The following HIPK1 variants were observed in gnomAD, a reference collection of about 807,000 sequenced individuals.
HIPK1 encodes the protein homeodomain interacting protein kinase 1.
In HIPK1, 28 loss-of-function variants were observed where a neutral mutation model predicts 117.1. The observed-to-expected ratio is 0.24, with a 90% CI of 0.18 to 0.33. The LOEUF is 0.33. Ranked by LOEUF, HIPK1 falls within the 10% of genes least tolerant of loss-of-function variation. HIPK1 has a pLI of 1.00. For missense variants in HIPK1, 1,122 were observed against 1,475.1 expected (o/e 0.76, Z 3.92); for synonymous variants, 605 against 562.5 (o/e 1.08, Z -1.07).
chr1:113,956,894 C>G lies in HIPK1; in HGVS notation c.1592+83C>G, dbSNP rs775318893. Reference sequence around the variant, plus strand: ...TATCAATGGCACTATCAAATGAGCCCGCCACTTTGGTGCTTATAAATCTGG... The same window carrying G: ...TATCAATGGCACTATCAAATGAGCCGGCCACTTTGGTGCTTATAAATCTGG... On this transcript the variant is annotated intron_variant, in intron 6 of 15. Coordinates refer to ENST00000426820, the MANE Select transcript of HIPK1 (RefSeq NM_198268.3). The G allele has an allele frequency of 6.3e-6, 8 of 1,279,172 alleles. No individual in the cohort carries two copies. In the Admixed American group the frequency reaches 1.6e-4, roughly 25 times the overall value. 79.2% of individuals were successfully genotyped at this position (1,279,172 alleles called of 1,614,324 possible). A position where few individuals can be genotyped will look rare whatever the true frequency, so the allele number is the denominator to read the frequency against.
At chr1:113,955,761 T>C (rs1671675802) in intron 5 of HIPK1, 112 bp downstream of exon 5, 5 of 600,198 alleles carry the variant, frequency 8.3e-6, no homozygotes, top group Non-Finnish European at 1.5e-5. Flanking sequence ...GTTTTCAGTT[T>C]TTATAAAAAA....
intron 2 of HIPK1, among the ~76,000 whole-genome samples, chr1:113,945,776 G>T (rs762182288): frequency 3.3e-5 from 5 of 152,176 alleles, no homozygotes; most frequent in Non-Finnish European, 5.9e-5. Flanking sequence ...TTGAAATCAG[G>T]AAGTGTGAGA....
intron 1 of HIPK1, among the ~76,000 whole-genome samples, chr1:113,939,641 G>A (rs1268244291): frequency 6.6e-6 from 1 of 151,966 alleles, no homozygotes; most frequent in East Asian, 1.9e-4. Flanking sequence ...TAATTTTGAG[G>A]AGTAATTATT....
At position 113,973,458 on chromosome 1, in the gene HIPK1, T is replaced by G; in HGVS notation, c.3579T>G (p.Ile1193Met). Residue 1193 changes from isoleucine (I) to methionine (M), a missense_variant, in exon 16 of 16, where the codon ATT (isoleucine) becomes ATG (methionine). Physicochemically the swap from Ile to Met is conservative, Grantham distance 10. Transcript: ENST00000426820. ...SYIGSSRGST[I>M]YTGYPLSPTK... is the part of the protein sequence containing the mutation. Reference sequence around the variant, plus strand: ...TTGGGTCTTCCCGAGGCTCAACAATTTACACTGGATACCCGCTGAGTCCTA... The same window carrying G: ...TTGGGTCTTCCCGAGGCTCAACAATGTACACTGGATACCCGCTGAGTCCTA... 6.2e-7 allele frequency: 1 copy of G among 1,613,142 alleles called. No individual in the cohort carries two copies. Among genetic ancestry groups the G allele is most frequent in the Non-Finnish European group, 8.5e-7 (1 of 1,179,388 alleles).
At chr1:113,969,388 C>T (rs1435730953) in intron 13 of HIPK1, among the ~76,000 whole-genome samples, 1 of 152,162 alleles carries the variant, frequency 6.6e-6, no homozygotes, top group Non-Finnish European at 1.5e-5. Context: ...GCAAGTTCCT[C>T]ATCTCCCTAT....
In HIPK1 at chr1:113,955,548, ATCTT is replaced by A; in HGVS notation, c.1321-13_1321-10del. ...ATACAGATGGAATTTAAGGAGGAAAATCTTTATTTTATAGACACCTGAAGAACAT... is the reference window on the plus strand; with the variant it reads ...ATACAGATGGAATTTAAGGAGGAAAATATTTTATAGACACCTGAAGAACAT... On this transcript the variant is annotated splice_polypyrimidine_tract_variant and intron_variant, in intron 4 of 15. Coordinates refer to ENST00000426820, the MANE Select transcript of HIPK1 (RefSeq NM_198268.3). 1.4e-6 allele frequency: 2 copies of A among 1,436,474 alleles called. No homozygotes were observed. The highest frequency in any genetic ancestry group is 1.9e-6 in the Non-Finnish European group (2 of 1,033,730). The allele number at this position is 1,436,474 out of a possible 1,614,324, so 89.0% of individuals were successfully genotyped here. A position where few individuals can be genotyped will look rare whatever the true frequency, so the allele number is the denominator to read the frequency against.
At chr1:113,930,845 A>G (rs1325612150) in intron 1 of HIPK1, 2 of 152,166 alleles carry the variant, frequency 1.3e-5, no homozygotes, top group East Asian at 1.9e-4. Context: ...AGGGGGGGAA[A>G]ACCCCCAAGC....
intron 13 of HIPK1, among the ~76,000 whole-genome samples, chr1:113,969,288 C>G (rs568719398): frequency 6.6e-6 from 1 of 152,152 alleles, no homozygotes; most frequent in East Asian, 1.9e-4. Flanking sequence ...AGGCAACATA[C>G]AGGAGGTGTT....
At chr1:113,959,953 C>G (rs1341936720) in intron 8 of HIPK1, among the ~76,000 whole-genome samples, 1 of 152,114 alleles carries the variant, frequency 6.6e-6, no homozygotes, top group Admixed American at 6.5e-5. Context: ...GAGCATGGTT[C>G]CTTCATATGC....
intron 1 of HIPK1, chr1:113,933,017 C>A (rs1461667933): frequency 4.0e-5 from 7 of 175,998 alleles, no homozygotes; most frequent in Non-Finnish European, 2.2e-5. Flanking sequence ...GGAAACTCCT[C>A]AAGGTATAGT....
chr1:113,930,816 G>A (rs1669834015), intron 1 of HIPK1: 1 of 152,206 alleles, frequency 6.6e-6, no homozygotes, highest in Non-Finnish European at 1.5e-5. Context: ...TTCAGGATGG[G>A]AGGATGCGGG....
chr1:113,949,753 C>G (rs559869597), intron 2 of HIPK1, among the ~76,000 whole-genome samples: 76 of 152,172 alleles, frequency 5.0e-4, no homozygotes, highest in African/African-American at 1.7e-3. Flanking sequence ...TGCCCGCCAC[C>G]ACACCTGGCT....
chr1:113,966,122 C>A lies in HIPK1; in HGVS notation c.2239-8C>A, dbSNP rs756092659. 6 of 1,610,960 alleles carry A rather than the reference C, an allele frequency of 3.7e-6. No homozygotes were observed. Among genetic ancestry groups the A allele is most frequent in the Non-Finnish European group, 5.1e-6 (6 of 1,178,830 alleles). On this transcript the variant is annotated splice_region_variant and splice_polypyrimidine_tract_variant and intron_variant, in intron 10 of 15. Coordinates refer to ENST00000426820, the MANE Select transcript of HIPK1 (RefSeq NM_198268.3). ...GTCTGGATGTTTTTTATGTGTGTTTCCTTACAGCAGGCGTGGCCTGGAGGG... is the reference window on the plus strand; with the variant it reads ...GTCTGGATGTTTTTTATGTGTGTTTACTTACAGCAGGCGTGGCCTGGAGGG...
In HIPK1 at chr1:113,968,080, A is replaced by G. The variant is rs550852448; in HGVS notation, c.2564+132A>G. The G allele has an allele frequency of 1.1e-5, 8 of 753,636 alleles. 1 individual carries two copies. The South Asian group carries it at 1.5e-4, about 14-fold the overall frequency. 46.7% of individuals were successfully genotyped at this position (753,636 alleles called of 1,614,324 possible). A position where few individuals can be genotyped will look rare whatever the true frequency, so the allele number is the denominator to read the frequency against. On this transcript the variant is annotated intron_variant, in intron 12 of 15. Coordinates refer to ENST00000426820, the MANE Select transcript of HIPK1 (RefSeq NM_198268.3). The stretch of plus-strand genomic sequence containing the variant: ...GTAGCTGCCAAATTGAGGAAGAGCA[A>G]ATCATTTCATCTGGGCATGTACACC...
intron 2 of HIPK1, among the ~76,000 whole-genome samples, chr1:113,949,013 T>C (rs1671170142): frequency 6.6e-6 from 1 of 152,042 alleles, no homozygotes; most frequent in Non-Finnish European, 1.5e-5. Context: ...AATTTTTGTA[T>C]TTTTAGTAGA....
chr1:113,952,555 C>T (rs886859149), intron 2 of HIPK1, among the ~76,000 whole-genome samples: 13 of 152,084 alleles, frequency 8.5e-5, no homozygotes, highest in African/African-American at 3.1e-4. Context: ...ACTTTGTGTT[C>T]TGCATTACCT....
chr1:113,971,053 C>T (rs1672793222), intron 14 of HIPK1, among the ~76,000 whole-genome samples: 1 of 152,120 alleles, frequency 6.6e-6, no homozygotes, highest in African/African-American at 2.4e-5. Flanking sequence ...CAACATAAAC[C>T]TGGGCCATAC....
At position 113,940,704 on chromosome 1, in the gene HIPK1, TCA is replaced by T; in HGVS notation, c.324_325del (p.His108GlnfsTer8). 1 of 1,614,162 alleles carries T rather than the reference TCA, an allele frequency of 6.2e-7. No homozygotes were observed. The highest frequency in any genetic ancestry group is 8.5e-7 in the Non-Finnish European group (1 of 1,180,040). ...CCTTCCAAAGCAGCCAGACCCTGAC[TCA>T]CAGAAGCAACGTTTCTTTGCTTGAG... ...STFQSSQTLTHRSNVSLLEPY... is the reference protein window; with the variant it reads ...STFQSSQTLTXRSNVSLLEPY... On this transcript the variant is annotated frameshift_variant, in exon 2 of 16. Coordinates refer to ENST00000426820, the MANE Select transcript of HIPK1 (RefSeq NM_198268.3). LOFTEE classifies it high-confidence loss of function.
At chr1:113,946,106 T>C (rs763385871) in intron 2 of HIPK1, among the ~76,000 whole-genome samples, 5 of 152,220 alleles carry the variant, frequency 3.3e-5, no homozygotes, top group Non-Finnish European at 4.4e-5. Context: ...GAATGTCATC[T>C]CCATTTATTT....
Sources: allele counts gnomAD v4.1 joint callset (sites outside exome capture counted in the v4.1 genomes callset), GRCh38; gene constraint gnomAD v4.1.1; transcripts MANE v1.5; gene names NCBI Gene and HGNC (gene_info 2026-07-23, HGNC 2026-07-21).